The following CPNE4 variants were observed in gnomAD, a reference collection of about 807,000 sequenced individuals.
CPNE4 encodes copine 4.
A neutral mutation model predicts 67.9 loss-of-function variants in CPNE4; 25 were observed. That is an observed-to-expected ratio of 0.37 (90% CI 0.27 to 0.51). CPNE4 has a LOEUF of 0.51. Among genes scored for constraint, CPNE4 ranks in the 20% least tolerant of loss-of-function variants. The pLI, the probability that CPNE4 is intolerant of heterozygous loss-of-function variation, is 0.93. For missense variants in CPNE4, 464 were observed against 690.8 expected (o/e 0.67, Z 3.68); for synonymous variants, 242 against 244.9 (o/e 0.99, Z 0.11).
At chr3:131,798,742 C>T (rs976778113) in intron 2 of CPNE4, among the ~76,000 whole-genome samples, 1 of 152,174 alleles carries the variant, frequency 6.6e-6, no homozygotes, top group African/African-American at 2.4e-5. Flanking sequence ...ACTTCTTCTT[C>T]TCTTCTCAGC....
chr3:131,944,550 T>C (rs1415838365), intron 1 of CPNE4, among the ~76,000 whole-genome samples: 1 of 152,036 alleles, frequency 6.6e-6, no homozygotes, highest in Non-Finnish European at 1.5e-5. Context: ...CTCAGCTGGT[T>C]ATCTGCCATG....
At chr3:131,770,103 T>C (rs2083128687) in intron 2 of CPNE4, among the ~76,000 whole-genome samples, 1 of 152,148 alleles carries the variant, frequency 6.6e-6, no homozygotes, top group South Asian at 2.1e-4. Context: ...CTTTTGTTTG[T>C]TTTCACAGCA....
intron 7 of CPNE4, among the ~76,000 whole-genome samples, chr3:131,609,188 G>A (rs1939678146): frequency 6.6e-6 from 1 of 152,164 alleles, no homozygotes. Context: ...CCATGGGGCT[G>A]CAACCACTTC....
chr3:131,864,965 C>T lies in CPNE4; in HGVS notation c.180+40299G>A, dbSNP rs541747983. Among the ~76,000 whole-genome samples the T allele has an allele frequency of 1.2e-3, 178 of 151,858 alleles. 1 individual carries two copies. Among genetic ancestry groups the T allele is most frequent in the African/African-American group, 4.3e-3 (177 of 41,470 alleles). ...CCTTTTCTGCATCTATTGAGATAAT[C>T]GTGGTTTTCGTCGTTGGTTCCATTT... On this transcript the variant is annotated intron_variant, in intron 2 of 15. Coordinates refer to ENST00000429747, the MANE Select transcript of CPNE4 (RefSeq NM_130808.3).
intron 9 of CPNE4, among the ~76,000 whole-genome samples, 156 bp downstream of exon 9, chr3:131,581,423 A>G (rs188318218): frequency 3.3e-5 from 5 of 152,090 alleles, no homozygotes; most frequent in African/African-American, 1.2e-4. Flanking sequence ...CCATGCTTAC[A>G]TTTCTCATTT....
At chr3:131,710,312 T>C (rs2107721102) in intron 3 of CPNE4, among the ~76,000 whole-genome samples, 1 of 152,332 alleles carries the variant, frequency 6.6e-6, no homozygotes, top group Non-Finnish European at 1.5e-5. Context: ...TTAGACCTTT[T>C]GGTCCAAGAG....
chr3:131,901,360 A>G (rs17315802), intron 2 of CPNE4, among the ~76,000 whole-genome samples: 54,050 of 151,916 alleles, frequency 0.36, 9,821 homozygotes, highest in East Asian at 0.44. Context: ...TATTGCCATC[A>G]TTACATAGCC....
intron 2 of CPNE4, among the ~76,000 whole-genome samples, chr3:131,858,711 T>C (rs1232459186): frequency 6.6e-6 from 1 of 152,186 alleles, no homozygotes; most frequent in African/African-American, 2.4e-5. Context: ...CCTAAACCAT[T>C]ACATAGTGGC....
intron 2 of CPNE4, among the ~76,000 whole-genome samples, chr3:131,813,888 G>A (rs2084630716): frequency 6.6e-6 from 1 of 152,024 alleles, no homozygotes; most frequent in East Asian, 1.9e-4. Context: ...GAAGATTTGG[G>A]GGATACCTAG....
At chr3:131,888,198 C>G in intron 2 of CPNE4, among the ~76,000 whole-genome samples, 1 of 152,164 alleles carries the variant, frequency 6.6e-6, no homozygotes, top group East Asian at 1.9e-4. Flanking sequence ...TGTCACATAA[C>G]AGTAGTAATT....
At chr3:131,537,582 C>A in intron 15 of CPNE4, 1 of 277,974 alleles carries the variant, frequency 3.6e-6, no homozygotes, top group South Asian at 3.6e-5. Context: ...CGCACCCAGC[C>A]CTGAAGACTT....
chr3:131,641,273 A>G (rs2079533191), intron 7 of CPNE4, among the ~76,000 whole-genome samples: 1 of 152,196 alleles, frequency 6.6e-6, no homozygotes, highest in African/African-American at 2.4e-5. Context: ...ACATCTGACA[A>G]AGGACTAATA....
chr3:131,604,912 C>T (rs183540788), intron 7 of CPNE4, among the ~76,000 whole-genome samples: 59 of 152,172 alleles, frequency 3.9e-4, no homozygotes, highest in African/African-American at 2.6e-4. Context: ...GTATAGGTGA[C>T]GCCTAAGAAG....
At chr3:131,685,201 T>C (rs1187880210) in intron 6 of CPNE4, among the ~76,000 whole-genome samples, 1 of 146,466 alleles carries the variant, frequency 6.8e-6, no homozygotes, top group Non-Finnish European at 1.5e-5. Context: ...CATCATCATG[T>C]GTGAGGAATT....
intron 7 of CPNE4, among the ~76,000 whole-genome samples, chr3:131,598,841 G>C (rs1939039704): frequency 8.2e-6 from 1 of 121,548 alleles, no homozygotes; most frequent in South Asian, 2.4e-4. Flanking sequence ...CTTTAAAATT[G>C]TCCCCCCACC....
chr3:131,962,808 T>C (rs1282404224), intron 1 of CPNE4, among the ~76,000 whole-genome samples: 4 of 152,002 alleles, frequency 2.6e-5, no homozygotes, highest in South Asian at 2.1e-4. Context: ...AAAAAGTCCC[T>C]GATTCAAAAA....
chr3:131,561,510 G>T (rs891861477), intron 11 of CPNE4, among the ~76,000 whole-genome samples: 2 of 152,012 alleles, frequency 1.3e-5, no homozygotes, highest in African/African-American at 4.8e-5. Context: ...TCTGTGGGAA[G>T]CTTTCCTTCA....
intron 2 of CPNE4, among the ~76,000 whole-genome samples, chr3:131,875,477 T>C (rs1009167774): frequency 2.6e-5 from 4 of 152,110 alleles, no homozygotes; most frequent in Non-Finnish European, 4.4e-5. Context: ...GTGGCACATA[T>C]ACACCATGGA....
At chr3:131,825,075 A>G (rs531370510) in intron 2 of CPNE4, among the ~76,000 whole-genome samples, 4 of 152,134 alleles carry the variant, frequency 2.6e-5, no homozygotes, top group Non-Finnish European at 4.4e-5. Context: ...CTACTGGGAG[A>G]TTCCTTAGCA....
Sources: gnomAD v4.1 joint callset for allele counts (sites outside exome capture counted in the v4.1 genomes callset) on GRCh38, gnomAD v4.1.1 for gene constraint, MANE v1.5 for transcripts, NCBI Gene and HGNC (gene_info 2026-07-23, HGNC 2026-07-21) for gene names.